SPINK4: variants seen among roughly 807,000 people sequenced by gnomAD.
SPINK4 encodes the protein serine peptidase inhibitor Kazal type 4.
Under a neutral mutation model 12.3 loss-of-function variants are expected in SPINK4, and 10 were observed. The ratio of observed to expected loss-of-function variants is 0.81; its 90% confidence interval spans 0.50 to 1.37. SPINK4 has a LOEUF of 1.37. Ranked by LOEUF, SPINK4 falls within the 40% of genes most tolerant of loss-of-function variation. SPINK4 has a pLI of 0.00. For missense variants in SPINK4, 91 were observed against 109.0 expected, an observed-to-expected ratio of 0.84 and a Z score of 0.73; for synonymous variants, 37 against 40.2, an observed-to-expected ratio of 0.92 and a Z score of 0.30.
chr9:33,245,442 G>A (rs1399799109), intron 2 of SPINK4, among the ~76,000 whole-genome samples: 1 of 152,164 alleles, frequency 6.6e-6, no homozygotes, highest in Non-Finnish European at 1.5e-5. Flanking sequence ...GGCTTAGCAG[G>A]ACAGGGTGTG....
At chr9:33,247,026 T>C (rs1267261473) in intron 3 of SPINK4, among the ~76,000 whole-genome samples, 1 of 152,138 alleles carries the variant, frequency 6.6e-6, no homozygotes, top group African/African-American at 2.4e-5. Context: ...CAGCAATTAT[T>C]TATTGAGCAT....
At chr9:33,241,531 A>T (rs1432419605) in intron 1 of SPINK4, among the ~76,000 whole-genome samples, 1 of 152,122 alleles carries the variant, frequency 6.6e-6, no homozygotes, top group Non-Finnish European at 1.5e-5. Context: ...CCCCAGCTGG[A>T]AACAGACCTG....
At chr9:33,248,230 C>T in intron 3 of SPINK4, 196 bp from the exon 4 acceptor site, 1 of 582,470 alleles carries the variant, frequency 1.7e-6, no homozygotes, top group Non-Finnish European at 3.0e-6. Flanking sequence ...AGCTAAAATC[C>T]CCCAGGGGAA....
At chr9:33,240,352 C>T (rs1820220377) in intron 1 of SPINK4, 83 bp downstream of exon 1, 1 of 1,244,712 alleles carries the variant, frequency 8.0e-7, no homozygotes, top group South Asian at 1.5e-5. Context: ...GCCTGGAGCA[C>T]CCTGTGAGGC....
At chr9:33,242,444 G>A (rs1318662311) in intron 1 of SPINK4, among the ~76,000 whole-genome samples, 1 of 126,294 alleles carries the variant, frequency 7.9e-6, no homozygotes, top group Admixed American at 7.4e-5. Flanking sequence ...TCAGGGAGGG[G>A]ACATGGCATG....
rs1413964632 is a variant in SPINK4, at chr9:33,240,174, C to G, written c.-35C>G. The G allele has an allele frequency of 1.3e-6, 2 of 1,571,756 alleles. No homozygotes were observed. The highest frequency in any genetic ancestry group is 1.7e-6 in the Non-Finnish European group (2 of 1,160,954). On this transcript the variant is annotated 5_prime_UTR_variant, in exon 1 of 4. Transcript: ENST00000379721. Reference sequence around the variant, plus strand: ...CCCCATCCTTCCTCAGGCGCAGGCCCCAGCCAGCTCAGGCTACACTATCCC... The same window carrying G: ...CCCCATCCTTCCTCAGGCGCAGGCCGCAGCCAGCTCAGGCTACACTATCCC...
chr9:33,240,275 T>G lies in SPINK4; in HGVS notation c.61+6T>G, dbSNP rs201412881. The stretch of plus-strand genomic sequence containing the variant: ...CCTCCTTGTTGTGGACAGGGGTGAG[T>G]GGGCAGAACCTGGATTCTCTGTGGC... On this transcript the variant is annotated splice_donor_region_variant and intron_variant, in intron 1 of 3. Coordinates refer to ENST00000379721, the MANE Select transcript of SPINK4 (RefSeq NM_014471.3). 1.3e-6 allele frequency: 2 copies of G among 1,597,254 alleles called. No homozygotes were observed. Among genetic ancestry groups the G allele is most frequent in the East Asian group, 4.6e-5 (2 of 43,400 alleles).
In SPINK4 at chr9:33,240,232, C is replaced by T. The variant is rs145366587; in HGVS notation, c.24C>T (p.Ile8=). The T allele has an allele frequency of 7.5e-6, 12 of 1,606,176 alleles. No individual in the cohort carries two copies. Among genetic ancestry groups the T allele is most frequent in the South Asian group, 3.3e-5 (3 of 89,708 alleles). ...GCATGGCCGTCCGCCAGTGGGTAAT[C>T]GCCCTGGCCTTGGCTGCCCTCCTTG... MAVRQWV[I]ALALAALLVV... The change falls in exon 1 of 4, where the codon ATC becomes ATT. Residue 8 remains isoleucine (I), a synonymous_variant. Coordinates refer to ENST00000379721, the MANE Select transcript of SPINK4 (RefSeq NM_014471.3).
At chr9:33,241,200 G>T (rs773730969) in intron 1 of SPINK4, among the ~76,000 whole-genome samples, 8 of 152,178 alleles carry the variant, frequency 5.3e-5, no homozygotes, top group African/African-American at 1.9e-4. Flanking sequence ...CTGAGGTACT[G>T]TAAGACCAGT....
At chr9:33,241,768 C>T (rs1369314724) in intron 1 of SPINK4, among the ~76,000 whole-genome samples, 2 of 152,154 alleles carry the variant, frequency 1.3e-5, no homozygotes, top group African/African-American at 2.4e-5. Context: ...AGGTCAAGGG[C>T]AGCCTGGGGG....
Position 33,246,683 on chromosome 9 carries a change from A to C in SPINK4, c.170A>C (p.Asp57Ala). The C allele has an allele frequency of 6.2e-7, 1 of 1,613,958 alleles. No individual in the cohort carries two copies. The highest frequency in any genetic ancestry group is 8.5e-7 in the Non-Finnish European group (1 of 1,179,994). ...SQMSNLVCGTDGLTYTNECQL... is the reference protein window; with the variant it reads ...SQMSNLVCGTAGLTYTNECQL... ...ATGTCCAACCTGGTCTGCGGCACTG[A>C]TGGGCTCACATATACGAATGAATGC... Residue 57 changes from aspartate to alanine, a missense_variant, in exon 3 of 4, where the codon GAT (aspartate) becomes GCT (alanine). Physicochemically the swap from Asp to Ala is moderately radical, Grantham distance 126. Transcript: ENST00000379721.
intron 2 of SPINK4, among the ~76,000 whole-genome samples, chr9:33,245,399 A>G (rs1215663245): frequency 6.6e-6 from 1 of 152,108 alleles, no homozygotes; most frequent in Non-Finnish European, 1.5e-5. Flanking sequence ...CTGGTGTCCA[A>G]GGCCCCTTCC....
At chr9:33,244,804 A>C (rs373056192) in intron 1 of SPINK4, among the ~76,000 whole-genome samples, 1 of 152,248 alleles carries the variant, frequency 6.6e-6, no homozygotes, top group Non-Finnish European at 1.5e-5. Context: ...TGCCCGGCAC[A>C]TAATAACTGC....
intron 3 of SPINK4, chr9:33,248,112 A>G: frequency 2.8e-6 from 1 of 353,646 alleles, no homozygotes; most frequent in Non-Finnish European, 5.3e-6. Flanking sequence ...TTGAGCCCCT[A>G]GGACATCCCA....
Position 33,246,597 on chromosome 9 carries a change from C to T in SPINK4, c.103-19C>T, listed in dbSNP as rs1405953564. 6.2e-7 allele frequency: 1 copy of T among 1,606,170 alleles called. No homozygotes were observed. Among genetic ancestry groups the T allele is most frequent in the Admixed American group, 1.7e-5 (1 of 59,992 alleles). ...TGCCTCTGAATCCCTGAGTCCTCTC[C>T]CTCCCTTCTCTTCCACAGCCCATCT... is the stretch of plus-strand genomic sequence containing the variant. On this transcript the variant is annotated intron_variant, in intron 2 of 3. Transcript: ENST00000379721.
At chr9:33,242,876 CTTTT>C (rs59110651) in intron 1 of SPINK4, among the ~76,000 whole-genome samples, 2 of 139,240 alleles carry the variant, frequency 1.4e-5, no homozygotes, top group Non-Finnish European at 3.1e-5. Context: ...TGCTCTGACA[CTTTT>C]TTTTTTTTTT....
At chr9:33,245,471 G>A (rs1820276478) in intron 2 of SPINK4, among the ~76,000 whole-genome samples, 1 of 152,196 alleles carries the variant, frequency 6.6e-6, no homozygotes, top group South Asian at 2.1e-4. Flanking sequence ...TCTGTATAGT[G>A]CAGACAGGCA....
At chr9:33,243,526 G>T (rs377061334) in intron 1 of SPINK4, among the ~76,000 whole-genome samples, 102 of 152,228 alleles carry the variant, frequency 6.7e-4, no homozygotes, top group African/African-American at 2.3e-3. Context: ...TCACATAAAT[G>T]GAATCATAGG....
intron 1 of SPINK4, among the ~76,000 whole-genome samples, chr9:33,240,547 T>C (rs996713920): frequency 6.6e-6 from 1 of 152,206 alleles, no homozygotes; most frequent in East Asian, 1.9e-4. Flanking sequence ...AGTTCAAAGC[T>C]GCACTGAGCA....
Sources: allele counts gnomAD v4.1 joint callset (sites outside exome capture counted in the v4.1 genomes callset), GRCh38; gene constraint gnomAD v4.1.1; transcripts MANE v1.5; gene names NCBI Gene and HGNC (gene_info 2026-07-23, HGNC 2026-07-21).